The following DISC1 variants were observed in gnomAD, a reference collection of about 807,000 sequenced individuals.
DISC1 encodes the protein DISC1 scaffold protein, also known as disrupted in schizophrenia 1 protein.
Under a neutral mutation model 84.5 loss-of-function variants are expected in DISC1, and 57 were observed. The observed-to-expected ratio is 0.67, with a 90% CI of 0.55 to 0.84. The LOEUF is 0.84. DISC1 is among the 40% of genes least tolerant of loss of function. The probability of loss-of-function intolerance (pLI) is 0.00; values close to 1 mark genes in which losing one functional copy is unlikely to be tolerated. For missense variants in DISC1, 1,000 were observed against 1,057.8 expected (o/e 0.95, Z 0.76); for synonymous variants, 411 against 415.2 (o/e 0.99, Z 0.12).
intron 1 of DISC1, among the ~76,000 whole-genome samples, chr1:231,634,420 G>A (rs2059016271): frequency 6.6e-6 from 1 of 152,112 alleles, no homozygotes; most frequent in Admixed American, 6.6e-5. Context: ...AGCTGTTTTG[G>A]GATCACAAAT....
intron 3 of DISC1, among the ~76,000 whole-genome samples, chr1:231,749,027 T>C (rs1045565291): frequency 2.0e-5 from 3 of 152,192 alleles, no homozygotes; most frequent in Non-Finnish European, 4.4e-5. Context: ...ATCTTTTCCA[T>C]GCAATAAGAA....
intron 1 of DISC1, among the ~76,000 whole-genome samples, chr1:231,664,347 A>G (rs752253699): frequency 6.6e-6 from 1 of 152,080 alleles, no homozygotes; most frequent in Non-Finnish European, 1.5e-5. Context: ...ACATCCCCCC[A>G]TATCTAATGA....
chr1:231,760,927 T>G (rs1245699684), intron 4 of DISC1, among the ~76,000 whole-genome samples: 1 of 152,240 alleles, frequency 6.6e-6, no homozygotes, highest in Non-Finnish European at 1.5e-5. Flanking sequence ...CACAGACACC[T>G]AGACGATTTC....
At chr1:231,636,880 G>T (rs1013105618) in intron 1 of DISC1, among the ~76,000 whole-genome samples, 4 of 152,134 alleles carry the variant, frequency 2.6e-5, no homozygotes, top group Non-Finnish European at 5.9e-5. Flanking sequence ...GTGGTTTGCT[G>T]CACCTATCAA....
Position 231,723,242 on chromosome 1 carries a change from T to A in DISC1, c.1117+21218T>A, listed in dbSNP as rs552407043. 6,190 of 796,922 alleles carry A rather than the reference T, an allele frequency of 7.8e-3. 25 individuals are homozygous for A. Among genetic ancestry groups the A allele is most frequent in the Admixed American group, 0.011 (32 of 2,848 alleles). The allele number at this position is 796,922 out of a possible 1,614,324, so 49.4% of individuals were successfully genotyped here. A position where few individuals can be genotyped will look rare whatever the true frequency, so the allele number is the denominator to read the frequency against. The stretch of plus-strand genomic sequence containing the variant: ...CTGGAACCCCTGATACAGACTGTAT[T>A]TATTGAAAAAAAAGTCTGCCTATGA... On this transcript the variant is annotated intron_variant, in intron 3 of 12. Coordinates refer to ENST00000439617, the MANE Select transcript of DISC1 (RefSeq NM_018662.3).
chr1:231,958,220 T>A (rs1272950900), intron 9 of DISC1, among the ~76,000 whole-genome samples: 1 of 152,232 alleles, frequency 6.6e-6, no homozygotes, highest in Non-Finnish European at 1.5e-5. Context: ...GTAAAGTGCC[T>A]CTTTGATCTG....
intron 3 of DISC1, among the ~76,000 whole-genome samples, chr1:231,747,669 G>A (rs547250661): frequency 4.4e-4 from 67 of 152,254 alleles, no homozygotes; most frequent in East Asian, 3.3e-3. Flanking sequence ...CTACAGCTTT[G>A]TAGTATATTT....
intron 1 of DISC1, among the ~76,000 whole-genome samples, chr1:231,678,539 G>C (rs2063373623): frequency 6.6e-6 from 1 of 152,146 alleles, no homozygotes; most frequent in South Asian, 2.1e-4. Context: ...ATATTAGAAT[G>C]AACTTTTCCC....
chr1:232,018,154 G>T (rs1378987429), intron 11 of DISC1, among the ~76,000 whole-genome samples: 1 of 152,068 alleles, frequency 6.6e-6, no homozygotes, highest in Non-Finnish European at 1.5e-5. Flanking sequence ...TTTCTATTCA[G>T]AATAGAAATA....
chr1:231,723,005 C>T, intron 3 of DISC1: 1 of 1,130,168 alleles, frequency 8.8e-7, no homozygotes, highest in Non-Finnish European at 1.1e-6. Context: ...GCCTTTAGGA[C>T]AATTATGAAG....
At chr1:231,900,438 A>G (rs2088073710) in intron 9 of DISC1, among the ~76,000 whole-genome samples, 1 of 152,230 alleles carries the variant, frequency 6.6e-6, no homozygotes, top group African/African-American at 2.4e-5. Context: ...TACGTGGTTC[A>G]CTAGTAGAAA....
In DISC1 at chr1:232,009,959, G is replaced by C. The variant is rs1201717269; in HGVS notation, c.2307+910G>C. On this transcript the variant is annotated intron_variant, in intron 11 of 12. Transcript: ENST00000439617. The surrounding 1 kb of genome is among the most constrained non-coding windows in gnomAD (Gnocchi z 4.6). ...TGCCAGGACTCACCACTGGTGGGTG[G>C]GGAAATTGCCACCTCCCCAGGCCAG... is the stretch of plus-strand genomic sequence containing the variant. Among the ~76,000 whole-genome samples the C allele has an allele frequency of 6.6e-6, 1 of 152,098 alleles. No homozygotes were observed. The highest frequency in any genetic ancestry group is 1.5e-5 in the Non-Finnish European group (1 of 68,014).
chr1:231,987,592 T>C (rs1395470331), intron 10 of DISC1, among the ~76,000 whole-genome samples: 1 of 152,012 alleles, frequency 6.6e-6, no homozygotes, highest in Non-Finnish European at 1.5e-5. Context: ...AAGAAAAAAA[T>C]ATTTCTTTGC....
intron 9 of DISC1, among the ~76,000 whole-genome samples, chr1:231,953,741 A>AACGTGG (rs772507995): frequency 1.2e-4 from 19 of 152,200 alleles, no homozygotes; most frequent in Non-Finnish European, 2.4e-4. Flanking sequence ...AAATTCCAAT[A>AACGTGG]ACGTGGCTAA....
rs146182408 is a variant in DISC1 at position 231,931,816 on chromosome 1, T to TA, written c.1982-27004dup. 3.7e-3 allele frequency among the ~76,000 whole-genome samples: 555 copies of TA among 152,018 alleles called. 6 individuals carry two copies. Among genetic ancestry groups the TA allele is most frequent in the Non-Finnish European group, 6.0e-3 (406 of 67,980 alleles). ...GGCGTGTGCTACCATGCCAGATAAT[T>TA]AAAAAAAATTTTTTTTTTATAGACA... is the stretch of plus-strand genomic sequence containing the variant. On this transcript the variant is annotated intron_variant, in intron 9 of 12. Transcript: ENST00000439617.
At chr1:231,721,906 C>A (rs1281795569) in intron 3 of DISC1, among the ~76,000 whole-genome samples, 1 of 152,070 alleles carries the variant, frequency 6.6e-6, no homozygotes, top group Non-Finnish European at 1.5e-5. Flanking sequence ...GGAATCCCAG[C>A]ACTTTGGGAG....
At chr1:231,973,197 C>T (rs1286960271) in intron 10 of DISC1, among the ~76,000 whole-genome samples, 1 of 152,056 alleles carries the variant, frequency 6.6e-6, no homozygotes, top group Admixed American at 6.6e-5. Flanking sequence ...CAGGCGTGCG[C>T]CACCACGCCT....
rs777389083 is a variant in DISC1 at position 231,958,851 on chromosome 1, A to G, written c.2005A>G (p.Met669Val). The G allele has an allele frequency of 8.1e-6, 13 of 1,613,722 alleles. No homozygotes were observed. Among genetic ancestry groups the G allele is most frequent in the East Asian group, 2.2e-5 (1 of 44,880 alleles). Residue 669 changes from methionine to valine, a missense_variant, in exon 10 of 13, where the codon ATG becomes GTG. Met to Val is a conservative substitution (Grantham distance 21). Around this residue, in one of 3 missense-constraint regions of DISC1, gnomAD observed 397 missense variants for 377.5 expected, o/e 1.05. Coordinates refer to ENST00000439617, the MANE Select transcript of DISC1 (RefSeq NM_018662.3). ...AGAAACAAGTGTGAAGGAAAATACT[A>G]TGAAGTACATGGAAACACTTAAGAA... ...AYETSVKENTMKYMETLKNKL... is the reference protein window; with the variant it reads ...AYETSVKENTVKYMETLKNKL...
chr1:231,727,914 C>T (rs1175263817), intron 3 of DISC1, among the ~76,000 whole-genome samples: 5 of 151,104 alleles, frequency 3.3e-5, no homozygotes, highest in South Asian at 2.1e-4. Context: ...ATTGTACCAC[C>T]GCACTCCAGC....
Sources: allele counts gnomAD v4.1 joint callset (sites outside exome capture counted in the v4.1 genomes callset), GRCh38; gene constraint gnomAD v4.1.1; regional missense constraint gnomAD v4.1.1; non-coding constraint Gnocchi (gnomAD v3.1); transcripts MANE v1.5; gene names NCBI Gene and HGNC (gene_info 2026-07-23, HGNC 2026-07-21).